ARHGEF6: variants seen among roughly 807,000 people sequenced by gnomAD.
ARHGEF6 encodes the protein Rac/Cdc42 guanine nucleotide exchange factor 6.
A neutral mutation model predicts 70.3 loss-of-function variants in ARHGEF6; 9 were observed. That is an observed-to-expected ratio of 0.13 (90% CI 0.08 to 0.22). The LOEUF (loss-of-function observed/expected upper bound fraction) is 0.22. ARHGEF6 is among the 10% of genes least tolerant of loss of function. The pLI is 1.00. For missense variants in ARHGEF6, 470 were observed against 563.0 expected, an observed-to-expected ratio of 0.83 and a Z score of 1.67; for synonymous variants, 201 against 207.8, an observed-to-expected ratio of 0.97 and a Z score of 0.28.
intron 7 of ARHGEF6, among the ~76,000 whole-genome samples, chrX:136,710,392 C>A (rs1288305713): frequency 1.0e-5 from 1 of 99,465 alleles, no homozygotes; most frequent in Non-Finnish European, 2.0e-5. Context: ...TATTTTTTTG[C>A]TGACTAAGAA....
chrX:136,727,373 CTTTCTTTCTTTCTT>C (rs2076871875), intron 6 of ARHGEF6, among the ~76,000 whole-genome samples: 1 of 70,077 alleles, frequency 1.4e-5, no homozygotes, highest in African/African-American at 6.1e-5. Flanking sequence ...TTCTTTCTTT[CTTTCTTTCTTTCTT>C]TCTTTCTTTC....
intron 20 of ARHGEF6, 80 bp from the exon 21 acceptor site, chrX:136,669,616 T>C (rs1374236238): frequency 2.7e-5 from 22 of 824,319 alleles, no homozygotes; most frequent in East Asian, 3.1e-5. Context: ...AAAGCCACTT[T>C]ATAAAAATAC....
chrX:136,697,034 C>T (rs1331920452), intron 9 of ARHGEF6, among the ~76,000 whole-genome samples: 1 of 110,910 alleles, frequency 9.0e-6, no homozygotes, highest in Non-Finnish European at 1.9e-5. Flanking sequence ...CACCCTCACC[C>T]CAGCCCAAGT....
At chrX:136,708,379 A>G (rs1225717352) in intron 8 of ARHGEF6, among the ~76,000 whole-genome samples, 3 of 107,718 alleles carry the variant, frequency 2.8e-5, no homozygotes, top group Non-Finnish European at 5.7e-5. Context: ...TTTAAGGAAC[A>G]TTAAAAAAAA....
In ARHGEF6 at chrX:136,743,722, T is replaced by C. The variant is rs1482691719; in HGVS notation, c.524A>G (p.Asn175Ser). 1 of 1,211,825 alleles carries C rather than the reference T, an allele frequency of 8.3e-7. No homozygotes were observed. The highest frequency in any genetic ancestry group is 1.1e-6 in the Non-Finnish European group (1 of 895,452). The change falls in exon 5 of 22, where the codon AAT becomes AGT. Residue 175 changes from asparagine to serine, a missense_variant. Physicochemically the swap from Asn to Ser is conservative, Grantham distance 46. Transcript: ENST00000250617. ...VKARFNFKQTNEDELSVCKGD... is the reference protein window; with the variant it reads ...VKARFNFKQTSEDELSVCKGD... ...CTTACAAACTGACAGTTCATCCTCA[T>C]TAGTCTGCTTAAAGTTGAATCTTGC...
intron 2 of ARHGEF6, among the ~76,000 whole-genome samples, chrX:136,764,753 A>G (rs2077297547): frequency 8.9e-6 from 1 of 111,820 alleles, no homozygotes; most frequent in African/African-American, 3.3e-5. Context: ...ACCAAACTAT[A>G]TACTTAGGAT....
rs2076655864 is a variant in ARHGEF6, at chrX:136,708,914, G to A, written c.828-144C>T. The A allele has an allele frequency of 1.8e-5, 7 of 380,361 alleles. No individual in the cohort carries two copies. In the East Asian group the frequency reaches 3.0e-4, roughly 16 times the overall value. 31.3% of individuals were successfully genotyped at this position (380,361 alleles called of 1,213,427 possible). ...TATAACAACTCTATTGTCTTAGGCA[G>A]CTTCTTAAGCTTCTCCCCTTGATTT... On this transcript the variant is annotated intron_variant, in intron 7 of 21. Transcript: ENST00000250617.
Position 136,672,228 on chromosome X carries a change from T to C in ARHGEF6, c.2036-109A>G. 5 of 635,020 alleles carry C rather than the reference T, an allele frequency of 7.9e-6. No individual in the cohort carries two copies. The South Asian group carries it at 1.2e-4, about 15-fold the overall frequency. 52.3% of individuals were successfully genotyped at this position (635,020 alleles called of 1,213,427 possible). A position where few individuals can be genotyped will look rare whatever the true frequency, so the allele number is the denominator to read the frequency against. On this transcript the variant is annotated intron_variant, in intron 19 of 21. Coordinates refer to ENST00000250617, the MANE Select transcript of ARHGEF6 (RefSeq NM_004840.3). ...ATTGTTACAGAAGGGTCTTTGTTCA[T>C]AGCATGTTGCTACATTACACCCAGA...
chrX:136,689,367 G>A (rs1446907190), intron 10 of ARHGEF6, among the ~76,000 whole-genome samples: 1 of 112,202 alleles, frequency 8.9e-6, no homozygotes, highest in East Asian at 2.8e-4. Flanking sequence ...TAGGATCCAG[G>A]CAGCAGGAGC....
chrX:136,752,802 C>T (rs1015232861), intron 2 of ARHGEF6, among the ~76,000 whole-genome samples: 2 of 112,407 alleles, frequency 1.8e-5, no homozygotes, highest in African/African-American at 3.2e-5. Flanking sequence ...TATTTAGGAA[C>T]ATTCCAGCTC....
intron 16 of ARHGEF6, 95 bp from the exon 17 acceptor site, chrX:136,678,051 G>T: frequency 1.3e-6 from 1 of 775,928 alleles, no homozygotes; most frequent in South Asian, 2.2e-5. Context: ...AACAACATTT[G>T]AAATGTTAGT....
chrX:136,675,249 A>G (rs1415517174), intron 18 of ARHGEF6, among the ~76,000 whole-genome samples, 153 bp from the exon 19 acceptor site: 1 of 109,916 alleles, frequency 9.1e-6, no homozygotes, highest in East Asian at 2.9e-4. Flanking sequence ...GTGATGGAGA[A>G]GAGTGACAGC....
chrX:136,736,496 T>C (rs2076986369), intron 5 of ARHGEF6, among the ~76,000 whole-genome samples: 1 of 111,339 alleles, frequency 9.0e-6, no homozygotes, highest in South Asian at 3.8e-4. Flanking sequence ...GCAAGCAGAA[T>C]TGGTGACAAT....
chrX:136,707,095 C>T, intron 8 of ARHGEF6, 65 bp from the exon 9 acceptor site: 2 of 1,138,814 alleles, frequency 1.8e-6, no homozygotes. Flanking sequence ...GAAGATTATT[C>T]CAATTAAACC....
intron 2 of ARHGEF6, among the ~76,000 whole-genome samples, chrX:136,767,944 G>C (rs1046765990): frequency 8.9e-6 from 1 of 112,749 alleles, no homozygotes; most frequent in Admixed American, 9.3e-5. Context: ...GCTGCCGCCC[G>C]CTTCAGCCCC....
intron 21 of ARHGEF6, 123 bp from the exon 22 acceptor site, chrX:136,668,292 C>G: frequency 1.2e-6 from 1 of 865,687 alleles, no homozygotes; most frequent in Non-Finnish European, 1.7e-6. Flanking sequence ...TTCCCTCCCT[C>G]AGCATCTATG....
intron 21 of ARHGEF6, 77 bp downstream of exon 21, chrX:136,669,405 C>G (rs997716674): frequency 4.1e-5 from 41 of 992,600 alleles, no homozygotes; most frequent in Non-Finnish European, 5.6e-5. Flanking sequence ...TAGGCCTTCC[C>G]TGAAAGCATG....
rs147129924 is a variant in ARHGEF6, at chrX:136,682,504, T to G, written c.1479+254A>C. On this transcript the variant is annotated intron_variant, in intron 13 of 21. Transcript: ENST00000250617. ...ACAATACTGCTGCTAATTTATCTAG[T>G]TTCCATTTATGCATGCAAAACCTAG... 6.3e-3 allele frequency among the ~76,000 whole-genome samples: 707 copies of G among 112,185 alleles called. 8 individuals carry two copies. The highest frequency in any genetic ancestry group is 0.021 in the African/African-American group (645 of 30,875).
chrX:136,747,681 C>CAA, intron 2 of ARHGEF6, 89 bp from the exon 3 acceptor site: 1 of 256,283 alleles, frequency 3.9e-6, no homozygotes. Flanking sequence ...CTCCAGCTCT[C>CAA]CGGAAAAAAA....
Sources: allele counts gnomAD v4.1 joint callset (sites outside exome capture counted in the v4.1 genomes callset), GRCh38; gene constraint gnomAD v4.1.1; transcripts MANE v1.5; gene names NCBI Gene and HGNC (gene_info 2026-07-23, HGNC 2026-07-21).